The following ARID5B variants were observed in gnomAD, a reference collection of about 807,000 sequenced individuals.
ARID5B encodes AT-rich interaction domain 5B, also known as AT-rich interactive domain-containing protein 5B.
ARID5B carries 13 observed loss-of-function variants against 97.2 expected under a neutral mutation model. The ratio of observed to expected loss-of-function variants is 0.13; its 90% CI spans 0.09 to 0.21. The LOEUF is 0.21. Among genes scored for constraint, ARID5B ranks in the 10% least tolerant of loss-of-function variants. The probability of loss-of-function intolerance (pLI) is 1.00; values close to 1 mark genes in which losing one functional copy is unlikely to be tolerated. For synonymous variants in ARID5B, 556 were observed against 570.3 expected, an observed-to-expected ratio of 0.97 and a Z score of 0.36; for missense variants, 1,210 against 1,465.3, an observed-to-expected ratio of 0.83 and a Z score of 2.84.
chr10:62,040,245 G>T (rs12764378), intron 4 of ARID5B, among the ~76,000 whole-genome samples: 1 of 151,870 alleles, frequency 6.6e-6, no homozygotes, highest in African/African-American at 2.4e-5. Flanking sequence ...CTTCATCAGG[G>T]CCATTTAGTA....
intron 8 of ARID5B, among the ~76,000 whole-genome samples, chr10:62,074,832 A>G (rs1840107287): frequency 6.6e-6 from 1 of 152,264 alleles, no homozygotes; most frequent in Admixed American, 6.5e-5. Context: ...CTACTAGCCC[A>G]TAACAAGCTA....
chr10:62,014,677 G>A (rs894882298), intron 4 of ARID5B, among the ~76,000 whole-genome samples: 2 of 152,082 alleles, frequency 1.3e-5, no homozygotes, highest in African/African-American at 2.4e-5. Flanking sequence ...GGGACTCCAC[G>A]TCTTATATAT....
chr10:61,976,853 T>C (rs1180055665), intron 3 of ARID5B, among the ~76,000 whole-genome samples: 2 of 84,896 alleles, frequency 2.4e-5, no homozygotes, highest in African/African-American at 6.2e-5. Context: ...AGAGAAACTT[T>C]CTTTCTTTTT....
Position 62,093,257 on chromosome 10 carries a change from T to C in ARID5B, c.*227T>C. ...AGTCTTGACTCCCTTCCAACACAGA[T>C]GCCCAGGCACCTCCAGATCATTCAC... is the stretch of plus-strand genomic sequence containing the variant. On this transcript the variant is annotated 3_prime_UTR_variant, in exon 10 of 10. Coordinates refer to ENST00000279873, the MANE Select transcript of ARID5B (RefSeq NM_032199.3). The C allele has an allele frequency of 1.9e-6, 1 of 521,158 alleles. No homozygotes were observed. The highest frequency in any genetic ancestry group is 3.2e-6 in the Non-Finnish European group (1 of 308,486). 32.3% of individuals were successfully genotyped at this position (521,158 alleles called of 1,614,324 possible).
At position 62,000,723 on chromosome 10, in the gene ARID5B, G is replaced by A. The variant is rs2132868455; in HGVS notation, c.733+402G>A. Among the ~76,000 whole-genome samples the A allele has an allele frequency of 6.6e-6, 1 of 152,206 alleles. No individual in the cohort carries two copies. On this transcript the variant is annotated intron_variant, in intron 4 of 9. Transcript: ENST00000279873. This position sits in a 1 kb window ranked among gnomAD's most constrained non-coding sequence, Gnocchi z 4.4. ...TGCACCAATGGTAACCACTTCAGTAGTAAACAGTGAATAGATAAATAGATA... is the reference window on the plus strand; with the variant it reads ...TGCACCAATGGTAACCACTTCAGTAATAAACAGTGAATAGATAAATAGATA...
chr10:62,026,788 A>G (rs1487179037), intron 4 of ARID5B, among the ~76,000 whole-genome samples: 1 of 152,168 alleles, frequency 6.6e-6, no homozygotes, highest in African/African-American at 2.4e-5. Flanking sequence ...CAAATTGATT[A>G]TGTCTCTTTC....
rs117445594 is a variant in ARID5B, at chr10:61,902,858, A to T, written c.276+445A>T. ...GGGTTTCGATATTGTTCTTTTTTCA[A>T]AGTAAGTATTTGATATGTTTAAGAG... On this transcript the variant is annotated intron_variant, in intron 2 of 9. Coordinates refer to ENST00000279873, the MANE Select transcript of ARID5B (RefSeq NM_032199.3). 2.7e-3 allele frequency among the ~76,000 whole-genome samples: 417 copies of T among 151,994 alleles called. 3 individuals carry two copies. Among genetic ancestry groups the T allele is most frequent in the Non-Finnish European group, 3.6e-3 (247 of 67,978 alleles).
chr10:61,943,386 T>C (rs758361523), intron 3 of ARID5B, among the ~76,000 whole-genome samples: 5 of 152,142 alleles, frequency 3.3e-5, no homozygotes, highest in African/African-American at 4.8e-5. Context: ...TTCACACACT[T>C]ATTAGGTTTT....
At chr10:61,993,904 A>T (rs901817273) in intron 3 of ARID5B, among the ~76,000 whole-genome samples, 1 of 152,200 alleles carries the variant, frequency 6.6e-6, no homozygotes, top group Non-Finnish European at 1.5e-5. Context: ...TCACATATTG[A>T]CATTATTTTG....
Position 62,091,158 on chromosome 10 carries a change from C to G in ARID5B, c.1695C>G (p.Thr565=), listed in dbSNP as rs1204078634. 6.2e-7 allele frequency: 1 copy of G among 1,614,170 alleles called. No individual in the cohort carries two copies. The highest frequency in any genetic ancestry group is 2.2e-5 in the East Asian group (1 of 44,878). The part of the protein sequence containing the change: ...LVPGASKQPL[T]SPSALVDSKQ... Reference sequence around the variant, plus strand: ...CTGGGGCCAGCAAACAGCCACTCACCTCTCCTAGTGCCCTGGTGGACTCAA... The same window carrying G: ...CTGGGGCCAGCAAACAGCCACTCACGTCTCCTAGTGCCCTGGTGGACTCAA... Residue 565 remains threonine (T), a synonymous_variant, in exon 10 of 10, where the codon ACC becomes ACG. Coordinates refer to ENST00000279873, the MANE Select transcript of ARID5B (RefSeq NM_032199.3).
intron 8 of ARID5B, among the ~76,000 whole-genome samples, chr10:62,076,561 C>CAAAAAAAAAAAAAAAAAAA (rs11363274): frequency 2.2e-5 from 2 of 92,652 alleles, no homozygotes; most frequent in African/African-American, 3.8e-5. Context: ...GACTCTGTCT[C>CAAAAAAAAAAAAAAAAAAA]AAAAAAAAAA....
At chr10:62,070,245 T>A (rs1373286863) in intron 8 of ARID5B, among the ~76,000 whole-genome samples, 1 of 152,220 alleles carries the variant, frequency 6.6e-6, no homozygotes, top group Non-Finnish European at 1.5e-5. Context: ...TTGTTTTATT[T>A]CATCCTGGTA....
intron 7 of ARID5B, among the ~76,000 whole-genome samples, chr10:62,062,955 G>A (rs1449859641): frequency 6.6e-6 from 1 of 152,090 alleles, no homozygotes; most frequent in Non-Finnish European, 1.5e-5. Flanking sequence ...ACCCTCTGTA[G>A]CGTTGCTGAA....
intron 4 of ARID5B, chr10:62,025,049 C>G (rs1839404124): frequency 5.9e-6 from 1 of 170,080 alleles, no homozygotes; most frequent in Non-Finnish European, 1.2e-5. Flanking sequence ...GGGTAGGTTT[C>G]TCACCATGGA....
chr10:61,971,995 A>G (rs1272208605), intron 3 of ARID5B, among the ~76,000 whole-genome samples: 2 of 152,094 alleles, frequency 1.3e-5, no homozygotes, highest in African/African-American at 2.4e-5. Context: ...TTCTTTCTCT[A>G]TGTCCACGTT....
At position 61,960,092 on chromosome 10, in the gene ARID5B, CAGATTGGA is replaced by C. The variant is rs1838448298; in HGVS notation, c.502+19685_502+19692del. On this transcript the variant is annotated intron_variant, in intron 3 of 9. Transcript: ENST00000279873. ...CGCTTGGTTGGTGGGTTTCCTCTTTCAGATTGGAGGGTTTCTTTTTTCATGAATGTGTA... is the reference window on the plus strand; with the variant it reads ...CGCTTGGTTGGTGGGTTTCCTCTTTCGGGTTTCTTTTTTCATGAATGTGTA... Among the ~76,000 whole-genome samples the C allele has an allele frequency of 2.6e-5, 4 of 152,230 alleles. No homozygotes were observed. In the South Asian group the frequency reaches 8.3e-4, roughly 32 times the overall value.
intron 8 of ARID5B, among the ~76,000 whole-genome samples, chr10:62,083,194 C>T (rs1032941420): frequency 1.3e-5 from 2 of 150,920 alleles, no homozygotes; most frequent in Non-Finnish European, 1.5e-5. Flanking sequence ...TTCCAGATTT[C>T]CTGCTTCTGG....
At chr10:61,976,805 T>A (rs1838705633) in intron 3 of ARID5B, among the ~76,000 whole-genome samples, 1 of 152,124 alleles carries the variant, frequency 6.6e-6, no homozygotes, top group Non-Finnish European at 1.5e-5. Flanking sequence ...ACTTCACAGT[T>A]CCATTTTGAG....
Position 62,000,936 on chromosome 10 carries a change from G to A in ARID5B, c.733+615G>A, listed in dbSNP as rs574828291. 5.3e-5 allele frequency among the ~76,000 whole-genome samples: 8 copies of A among 152,146 alleles called. No individual in the cohort carries two copies. Among genetic ancestry groups the A allele is most frequent in the African/African-American group, 1.4e-4 (6 of 41,520 alleles). On this transcript the variant is annotated intron_variant, in intron 4 of 9. Coordinates refer to ENST00000279873, the MANE Select transcript of ARID5B (RefSeq NM_032199.3). The surrounding 1 kb of genome is among the most constrained non-coding windows in gnomAD (Gnocchi z 4.4). ...TACACTCATACACACACATGCACAC[G>A]TACACGCACATTGTGCCCACCAAAG...
Sources: gnomAD v4.1 joint callset for allele counts (sites outside exome capture counted in the v4.1 genomes callset) on GRCh38, gnomAD v4.1.1 for gene constraint, Gnocchi (gnomAD v3.1) non-coding constraint, MANE v1.5 for transcripts, NCBI Gene and HGNC (gene_info 2026-07-23, HGNC 2026-07-21) for gene names.